LY96: variants seen among roughly 807,000 people sequenced by gnomAD.
LY96 encodes lymphocyte antigen 96.
In LY96, 18 loss-of-function variants were observed where a neutral mutation model predicts 18.9. That is an observed-to-expected ratio of 0.95 (90% CI 0.66 to 1.41). The LOEUF (loss-of-function observed/expected upper bound fraction) is 1.41. Among genes scored for constraint, LY96 ranks in the 40% most tolerant of loss-of-function variants. The probability of loss-of-function intolerance (pLI) is 0.00; values close to 1 mark genes in which losing one functional copy is unlikely to be tolerated. For missense variants in LY96, 175 were observed against 182.4 expected, an observed-to-expected ratio of 0.96 and a Z score of 0.23; for synonymous variants, 66 against 62.6, an observed-to-expected ratio of 1.06 and a Z score of -0.26.
the LY96 span, among the ~76,000 whole-genome samples, chr8:74,059,501 A>G: frequency 6.6e-6 from 1 of 152,240 alleles, no homozygotes; most frequent in South Asian, 2.1e-4. Context: ...AGAATAGATA[A>G]TTAGATCTGG....
chr8:74,046,299 A>G, the LY96 span, among the ~76,000 whole-genome samples: 1 of 152,128 alleles, frequency 6.6e-6, no homozygotes, highest in Non-Finnish European at 1.5e-5. Flanking sequence ...GACACCCAGA[A>G]TAACTAAGTG....
chr8:74,034,371 C>T, the LY96 span, among the ~76,000 whole-genome samples: 1 of 149,224 alleles, frequency 6.7e-6, no homozygotes, highest in African/African-American at 2.5e-5. Flanking sequence ...GACTCTGTGC[C>T]TTAAAAAAAA....
chr8:74,070,730 G>A, the LY96 span, among the ~76,000 whole-genome samples: 3 of 150,122 alleles, frequency 2.0e-5, no homozygotes, highest in African/African-American at 7.6e-5. Flanking sequence ...AATGAGCCTT[G>A]CTTTTTTAAA....
At chr8:74,090,204 G>T in the LY96 span, among the ~76,000 whole-genome samples, 6 of 152,122 alleles carry the variant, frequency 3.9e-5, no homozygotes, top group African/African-American at 1.2e-4. Flanking sequence ...TTGGACTAAG[G>T]CATTCTTAGC....
intron 3 of LY96, among the ~76,000 whole-genome samples, chr8:74,024,363 A>G (rs1034643936): frequency 4.6e-5 from 7 of 150,580 alleles, no homozygotes; most frequent in African/African-American, 1.7e-4. Flanking sequence ...ATATATACAT[A>G]TATGACTAAT....
chr8:74,061,165 T>A, the LY96 span, among the ~76,000 whole-genome samples: 1 of 152,216 alleles, frequency 6.6e-6, no homozygotes, highest in South Asian at 2.1e-4. Flanking sequence ...AATGTTTGTG[T>A]CCCTTCCCAT....
the LY96 span, among the ~76,000 whole-genome samples, chr8:74,084,653 G>T: frequency 6.6e-6 from 1 of 151,878 alleles, no homozygotes; most frequent in Non-Finnish European, 1.5e-5. Flanking sequence ...TCGCTCTGTT[G>T]CCCAGGCTGG....
chr8:74,014,938 A>G (rs1485844325), intron 3 of LY96, among the ~76,000 whole-genome samples: 2 of 152,080 alleles, frequency 1.3e-5, no homozygotes, highest in Admixed American at 1.3e-4. Context: ...TGGGCACGGT[A>G]GCTCATGCCT....
At chr8:74,014,624 T>C (rs972962137) in intron 3 of LY96, among the ~76,000 whole-genome samples, 15 of 152,076 alleles carry the variant, frequency 9.9e-5, no homozygotes, top group Non-Finnish European at 2.9e-5. Context: ...GACTTTCTGA[T>C]TTAAGAAGCA....
At chr8:74,074,226 C>T in the LY96 span, among the ~76,000 whole-genome samples, 1 of 152,152 alleles carries the variant, frequency 6.6e-6, no homozygotes, top group Admixed American at 6.5e-5. Context: ...TCTCGAACTC[C>T]TGACCTCAAG....
chr8:74,071,083 G>C, the LY96 span, among the ~76,000 whole-genome samples: 1,843 of 152,120 alleles, frequency 0.012, 17 homozygotes, highest in Non-Finnish European at 0.018. Context: ...AACTTTCCTC[G>C]GTCACACAGC....
rs951903726 is a variant in LY96 at position 74,010,034 on chromosome 8, A to G, written c.236A>G (p.Tyr79Cys). 13 of 1,606,680 alleles carry G rather than the reference A, an allele frequency of 8.1e-6. No individual in the cohort carries two copies. The East Asian group carries it at 8.9e-5, about 11-fold the overall frequency. ...TTAAAGCAATTATATTTCAATCTCTATATAACTGTCAACACCATGAATCTT... is the reference window on the plus strand; with the variant it reads ...TTAAAGCAATTATATTTCAATCTCTGTATAACTGTCAACACCATGAATCTT... The part of the protein sequence containing the change: ...RDLKQLYFNL[Y>C]ITVNTMNLPK... Residue 79 changes from tyrosine (Y) to cysteine (C), a missense_variant, in exon 3 of 5, where the codon TAT becomes TGT. Coordinates refer to ENST00000284818, the MANE Select transcript of LY96 (RefSeq NM_015364.5).
chr8:74,046,933 G>A, the LY96 span, among the ~76,000 whole-genome samples: 1 of 134,020 alleles, frequency 7.5e-6, no homozygotes, highest in Non-Finnish European at 1.5e-5. Context: ...ACTGAGTCTC[G>A]CTCCGTCGCC....
At chr8:74,068,571 C>A in the LY96 span, among the ~76,000 whole-genome samples, 1 of 152,132 alleles carries the variant, frequency 6.6e-6, no homozygotes, top group African/African-American at 2.4e-5. Flanking sequence ...TTTACATTCT[C>A]ACCAGCAGTG....
At position 73,996,382 on chromosome 8, in the gene LY96, T is replaced by C. The variant is rs1401857491; in HGVS notation, c.112+4828T>C. Among the ~76,000 whole-genome samples, 8 of 40,200 alleles carry C rather than the reference T, an allele frequency of 2.0e-4. 1 individual carries two copies. The highest frequency in any genetic ancestry group is 3.8e-4 in the Non-Finnish European group (8 of 20,816). The allele number at this position is 40,200 out of a possible 152,430, so 26.4% of individuals were successfully genotyped here. On this transcript the variant is annotated intron_variant, in intron 1 of 4. Coordinates refer to ENST00000284818, the MANE Select transcript of LY96 (RefSeq NM_015364.5). ...CTTCCTTCCTTCATTCCTTTCTTTC[T>C]TTCTTTCTTTCTTTCTTTCTTTCTT...
At chr8:74,047,304 A>G in the LY96 span, among the ~76,000 whole-genome samples, 1 of 152,230 alleles carries the variant, frequency 6.6e-6, no homozygotes, top group African/African-American at 2.4e-5. Flanking sequence ...TTTCTGGCAC[A>G]GTAGCACAGA....
At chr8:74,016,214 T>C (rs10102461) in intron 3 of LY96, among the ~76,000 whole-genome samples, 8,556 of 152,298 alleles carry the variant, frequency 0.056, 784 homozygotes, top group African/African-American at 0.19. Context: ...GATTATATCC[T>C]GTGCATGGCT....
chr8:74,040,195 G>T, the LY96 span, among the ~76,000 whole-genome samples: 1 of 152,174 alleles, frequency 6.6e-6, no homozygotes. Context: ...GATTAATAAT[G>T]ATTATACTAA....
chr8:74,018,245 A>G (rs1375576026), intron 3 of LY96, among the ~76,000 whole-genome samples: 1 of 152,074 alleles, frequency 6.6e-6, no homozygotes, highest in Non-Finnish European at 1.5e-5. Flanking sequence ...AAATAAAAAA[A>G]ATAAATAAAT....
Sources: gnomAD v4.1 joint callset for allele counts (sites outside exome capture counted in the v4.1 genomes callset) on GRCh38, gnomAD v4.1.1 for gene constraint, MANE v1.5 for transcripts, NCBI Gene and HGNC (gene_info 2026-07-23, HGNC 2026-07-21) for gene names.